The following PCCA variants were observed in gnomAD, a reference collection of about 807,000 sequenced individuals.
PCCA encodes propionyl-CoA carboxylase alpha chain, mitochondrial.
A neutral mutation model predicts 101.3 loss-of-function variants in PCCA; 74 were observed. The ratio of observed to expected loss-of-function variants is 0.73; its 90% CI spans 0.61 to 0.89. The LOEUF is 0.89. Among genes scored for constraint, PCCA ranks in the 40% least tolerant of loss-of-function variants. The pLI, the probability that PCCA is intolerant of heterozygous loss-of-function variation, is 0.00. For synonymous variants in PCCA, 294 were observed against 313.6 expected, an observed-to-expected ratio of 0.94 and a Z score of 0.66; for missense variants, 891 against 907.0, an observed-to-expected ratio of 0.98 and a Z score of 0.23.
intron 7 of PCCA, among the ~76,000 whole-genome samples, chr13:100,220,261 T>TG (rs1367095449): frequency 2.0e-5 from 3 of 152,032 alleles, no homozygotes; most frequent in Non-Finnish European, 4.4e-5. Context: ...TTCTTTTTTT[T>TG]GTTTTTGTTT....
At chr13:100,419,676 C>T (rs897634261) in intron 19 of PCCA, among the ~76,000 whole-genome samples, 9 of 152,106 alleles carry the variant, frequency 5.9e-5, no homozygotes, top group East Asian at 1.9e-4. Context: ...AAAGCAGAGG[C>T]GAGACGCCAG....
chr13:100,240,847 A>G (rs374849553), intron 8 of PCCA, among the ~76,000 whole-genome samples: 4 of 152,294 alleles, frequency 2.6e-5, no homozygotes, highest in African/African-American at 4.8e-5. Flanking sequence ...CAGTATTTGT[A>G]TACAGTTTTG....
chr13:100,214,505 A>C (rs1321033334), intron 7 of PCCA, among the ~76,000 whole-genome samples: 1 of 151,258 alleles, frequency 6.6e-6, no homozygotes, highest in African/African-American at 2.4e-5. Context: ...GCTCACTGCA[A>C]CCTCTGCCTC....
intron 7 of PCCA, among the ~76,000 whole-genome samples, chr13:100,210,058 G>A (rs930365907): frequency 6.6e-6 from 1 of 152,126 alleles, no homozygotes; most frequent in Non-Finnish European, 1.5e-5. Context: ...AGGCTCAAAT[G>A]ATCCTCTCGC....
chr13:100,151,168 A>C lies in PCCA; in HGVS notation c.301-3811A>C, dbSNP rs1360462727. The C allele has an allele frequency of 2.1e-5, 17 of 827,354 alleles. No homozygotes were observed. In the East Asian group the frequency reaches 4.5e-4, roughly 22 times the overall value. 51.3% of individuals were successfully genotyped at this position (827,354 alleles called of 1,614,324 possible). ...TTTATTTTTTAAAAGTTAATAAAGA[A>C]GATGATTTTTCTCAGTCCTGTAAGA... On this transcript the variant is annotated intron_variant, in intron 4 of 23. Coordinates refer to ENST00000376285, the MANE Select transcript of PCCA (RefSeq NM_000282.4).
chr13:100,192,650 T>C (rs2057813895), intron 6 of PCCA, among the ~76,000 whole-genome samples: 1 of 152,168 alleles, frequency 6.6e-6, no homozygotes, highest in Admixed American at 6.5e-5. Flanking sequence ...GAGGTTGCAG[T>C]GAGCTGAGAT....
chr13:100,181,410 ATTCT>A (rs1038600077), intron 6 of PCCA, among the ~76,000 whole-genome samples: 2 of 152,086 alleles, frequency 1.3e-5, no homozygotes, highest in East Asian at 3.9e-4. Context: ...TTGGGTTTTG[ATTCT>A]TTCTTTCTTT....
chr13:100,172,828 T>C (rs1456176064), intron 6 of PCCA, among the ~76,000 whole-genome samples: 1 of 152,216 alleles, frequency 6.6e-6, no homozygotes, highest in African/African-American at 2.4e-5. Context: ...CTATTATTTC[T>C]GCTTTTCAGG....
At chr13:100,364,270 CAG>C (rs2074944147) in intron 18 of PCCA, among the ~76,000 whole-genome samples, 1 of 152,110 alleles carries the variant, frequency 6.6e-6, no homozygotes, top group African/African-American at 2.4e-5. Context: ...TCCTTATTGT[CAG>C]AGAGTTGTTC....
rs138360092 is a variant in PCCA, at chr13:100,233,458, A to G, written c.601-2384A>G. Among the ~76,000 whole-genome samples, 428 of 152,248 alleles carry G rather than the reference A, an allele frequency of 2.8e-3. 3 individuals carry two copies. The highest frequency in any genetic ancestry group is 6.8e-3 in the Middle Eastern group (2 of 294). On this transcript the variant is annotated intron_variant, in intron 7 of 23. Coordinates refer to ENST00000376285, the MANE Select transcript of PCCA (RefSeq NM_000282.4). ...TTTAGTTGATTCAGAGTTTGATTAA[A>G]GTTTTTTAAACTTATGATGTTATAG... is the stretch of plus-strand genomic sequence containing the variant.
chr13:100,378,064 T>C (rs2076027833), intron 19 of PCCA, among the ~76,000 whole-genome samples: 1 of 152,218 alleles, frequency 6.6e-6, no homozygotes, highest in Non-Finnish European at 1.5e-5. Flanking sequence ...ATTGTCCTTT[T>C]GCTTCCAGGT....
chr13:100,114,641 A>C (rs2152285448), intron 4 of PCCA, among the ~76,000 whole-genome samples: 1 of 152,314 alleles, frequency 6.6e-6, no homozygotes, highest in Non-Finnish European at 1.5e-5. Context: ...GTCATTTCTC[A>C]AAAGAAGACA....
intron 7 of PCCA, among the ~76,000 whole-genome samples, chr13:100,225,594 C>A (rs1252924280): frequency 6.6e-6 from 1 of 152,032 alleles, no homozygotes; most frequent in East Asian, 1.9e-4. Context: ...AAAACAAAAA[C>A]CAAAAAATTG....
At chr13:100,151,640 A>G (rs1432806903) in intron 4 of PCCA, among the ~76,000 whole-genome samples, 2 of 152,056 alleles carry the variant, frequency 1.3e-5, no homozygotes, top group Non-Finnish European at 2.9e-5. Context: ...AAAAAACCCT[A>G]AATGCTTGAT....
intron 21 of PCCA, among the ~76,000 whole-genome samples, chr13:100,499,457 C>G (rs2152987306): frequency 6.6e-6 from 1 of 152,360 alleles, no homozygotes; most frequent in Non-Finnish European, 1.5e-5. Context: ...GTCCAGGCCT[C>G]ACTCCTTCTA....
At chr13:100,227,263 C>T (rs888179509) in intron 7 of PCCA, among the ~76,000 whole-genome samples, 11 of 152,160 alleles carry the variant, frequency 7.2e-5, no homozygotes, top group Admixed American at 1.3e-4. Flanking sequence ...AGGCAGGAGC[C>T]GTTGTGCCCA....
chr13:100,178,589 A>G (rs1388719028), intron 6 of PCCA, among the ~76,000 whole-genome samples: 6 of 152,192 alleles, frequency 3.9e-5, no homozygotes, highest in African/African-American at 1.4e-4. Context: ...CTTAAGATGC[A>G]CCAAATTTAG....
chr13:100,404,719 G>A (rs9557429), intron 19 of PCCA, among the ~76,000 whole-genome samples: 34,059 of 152,056 alleles, frequency 0.22, 4,705 homozygotes, highest in Middle Eastern at 0.41. Context: ...AACTTGCACC[G>A]GTGAAGCAGG....
chr13:100,456,535 G>A (rs575643666), intron 21 of PCCA, among the ~76,000 whole-genome samples: 2 of 152,278 alleles, frequency 1.3e-5, no homozygotes, highest in South Asian at 2.1e-4. Context: ...ACGGCTGGGC[G>A]CGCTGAGTAC....
Sources: allele counts gnomAD v4.1 joint callset (sites outside exome capture counted in the v4.1 genomes callset), GRCh38; gene constraint gnomAD v4.1.1; transcripts MANE v1.5; gene names NCBI Gene and HGNC (gene_info 2026-07-23, HGNC 2026-07-21).